ASAP1: variants seen among roughly 807,000 people sequenced by gnomAD.
The protein encoded by ASAP1 is arf-GAP with SH3 domain, ANK repeat and PH domain-containing protein 1.
Under a neutral mutation model 145.2 loss-of-function variants are expected in ASAP1, and 43 were observed. The ratio of observed to expected loss-of-function variants is 0.30; its 90% confidence interval spans 0.23 to 0.38. The LOEUF is 0.38. Ranked by LOEUF, ASAP1 falls within the 10% of genes least tolerant of loss-of-function variation. The pLI is 1.00. For synonymous variants in ASAP1, 546 were observed against 515.5 expected (o/e 1.06, Z -0.80); for missense variants, 1,018 against 1,355.3 (o/e 0.75, Z 3.91).
rs2097596410 is a variant in ASAP1, at chr8:130,136,987, T to C, written c.1132A>G (p.Asn378Asp). 3 of 1,614,216 alleles carry C rather than the reference T, an allele frequency of 1.9e-6. No individual in the cohort carries two copies. Among genetic ancestry groups the C allele is most frequent in the East Asian group, 2.2e-5 (1 of 44,872 alleles). ...TCAAAAGATTTTTTGTCTTCGGCAT[T>C]AGGTTTTACTTGGCAGGTGAGAAGG... Reference protein sequence around the residue: ...LNLLTCQVKPNAEDKKSFDLI... With the variant: ...LNLLTCQVKPDAEDKKSFDLI... The change falls in exon 14 of 30, where the codon AAT (asparagine) becomes GAT (aspartate). Residue 378 changes from asparagine to aspartate, a missense_variant. Asn to Asp is a conservative substitution (Grantham distance 23, BLOSUM62 1). Coordinates refer to ENST00000518721, the MANE Select transcript of ASAP1 (RefSeq NM_018482.4).
At chr8:130,209,800 T>TG (rs1816466535) in intron 5 of ASAP1, among the ~76,000 whole-genome samples, 1 of 152,140 alleles carries the variant, frequency 6.6e-6, no homozygotes, top group Non-Finnish European at 1.5e-5. Flanking sequence ...AACACCTTTT[T>TG]TTTTGAAAGA....
chr8:130,178,604 A>G (rs899994242), intron 9 of ASAP1, among the ~76,000 whole-genome samples: 17 of 152,224 alleles, frequency 1.1e-4, no homozygotes, highest in African/African-American at 3.6e-4. Flanking sequence ...ACAAAACTGA[A>G]GACTCCAGGT....
chr8:130,060,819 T>C lies in ASAP1; in HGVS notation c.2952A>G (p.Pro984=). 1 of 1,613,044 alleles carries C rather than the reference T, an allele frequency of 6.2e-7. No homozygotes were observed. Among genetic ancestry groups the C allele is most frequent in the East Asian group, 2.2e-5 (1 of 44,830 alleles). ...GTTTGGGGGGCAGGTCCTTCATCTG[T>C]GGTTTGGGAGGTAAGTCTGAGAGTT... ...KPQLSDLPPK[P]QMKDLPPKPQ... is the part of the protein sequence containing the mutation. The change falls in exon 28 of 30, where the codon CCA becomes CCG. Residue 984 remains proline (P), a synonymous_variant. Transcript: ENST00000518721.
intron 2 of ASAP1, among the ~76,000 whole-genome samples, chr8:130,399,599 C>CTCACTTCAT (rs1416076021): frequency 6.6e-6 from 1 of 152,206 alleles, no homozygotes; most frequent in Non-Finnish European, 1.5e-5. Context: ...CCTCCAGCCT[C>CTCACTTCAT]TCACTTCATC....
intron 3 of ASAP1, among the ~76,000 whole-genome samples, chr8:130,327,799 G>C (rs1420118896): frequency 6.6e-6 from 1 of 152,140 alleles, no homozygotes; most frequent in Non-Finnish European, 1.5e-5. Context: ...CCTTTTGCAT[G>C]ATAAAAATGT....
At chr8:130,352,137 G>A (rs915281466) in intron 3 of ASAP1, among the ~76,000 whole-genome samples, 1 of 151,714 alleles carries the variant, frequency 6.6e-6, no homozygotes, top group Non-Finnish European at 1.5e-5. Flanking sequence ...CAAGAGGTCA[G>A]AGACAGACCC....
At chr8:130,117,869 T>C (rs2097558958) in intron 20 of ASAP1, among the ~76,000 whole-genome samples, 4 of 152,332 alleles carry the variant, frequency 2.6e-5, no homozygotes, top group South Asian at 2.1e-4. Context: ...CTACAGCCTG[T>C]AGGCCATATC....
At chr8:130,061,091 A>G in intron 27 of ASAP1, 22 bp from the exon 28 acceptor site, 1 of 1,520,132 alleles carries the variant, frequency 6.6e-7, no homozygotes, top group Non-Finnish European at 8.8e-7. Flanking sequence ...ATCAAAAACA[A>G]GGAGGTCATT....
At chr8:130,361,813 T>C in intron 2 of ASAP1, 1 of 1,403,266 alleles carries the variant, frequency 7.1e-7, no homozygotes, top group Non-Finnish European at 9.7e-7. Context: ...ACGTAAATGC[T>C]GGATTTCTTT....
chr8:130,429,168 G>A (rs1016048615), intron 1 of ASAP1, among the ~76,000 whole-genome samples: 5 of 152,236 alleles, frequency 3.3e-5, no homozygotes, highest in East Asian at 1.9e-4. Context: ...ATCCAGGCTC[G>A]CCCTAATGAC....
chr8:130,406,437 A>G (rs1586987757), intron 1 of ASAP1, among the ~76,000 whole-genome samples: 1 of 151,888 alleles, frequency 6.6e-6, no homozygotes, highest in African/African-American at 2.4e-5. Flanking sequence ...CCAGATTATG[A>G]ATCTTTGATG....
At position 130,178,281 on chromosome 8, in the gene ASAP1, G is replaced by GAATACAGACTTTACT. The variant is rs574443271; in HGVS notation, c.746+968_746+982dup. ...TATTTTCGGTATAACTTCCATCAAC[G>GAATACAGACTTTACT]AATACAGACTTTACTAATACAGACT... On this transcript the variant is annotated intron_variant, in intron 9 of 29. Transcript: ENST00000518721. Among the ~76,000 whole-genome samples, 3 of 152,120 alleles carry GAATACAGACTTTACT rather than the reference G, an allele frequency of 2.0e-5. No homozygotes were observed. The East Asian group carries it at 5.8e-4, about 29-fold the overall frequency.
At chr8:130,116,600 A>G (rs1171776102) in intron 22 of ASAP1, 78 bp downstream of exon 22, 5 of 1,270,720 alleles carry the variant, frequency 3.9e-6, no homozygotes, top group East Asian at 4.6e-5. Context: ...CATTTTTAAT[A>G]TTCAATTCTA....
intron 12 of ASAP1, among the ~76,000 whole-genome samples, chr8:130,157,056 C>T (rs535436282): frequency 1.1e-4 from 17 of 152,140 alleles, no homozygotes; most frequent in Non-Finnish European, 1.8e-4. Flanking sequence ...ATTAACTTTT[C>T]GTTTGATGAC....
intron 27 of ASAP1, among the ~76,000 whole-genome samples, chr8:130,071,047 A>AGAGAGAGAGAGAGAGAGAGAG (rs1491183461): frequency 7.5e-6 from 1 of 133,734 alleles, no homozygotes; most frequent in Admixed American, 7.6e-5. Context: ...AGAGAGAGAG[A>AGAGAGAGAGAGAGAGAGAGAG]AAGCAGAGTT....
chr8:130,407,049 G>C (rs1222797813), intron 1 of ASAP1, among the ~76,000 whole-genome samples: 1 of 152,118 alleles, frequency 6.6e-6, no homozygotes, highest in Non-Finnish European at 1.5e-5. Context: ...TGCAGTCATA[G>C]CAAGAATTAA....
intron 1 of ASAP1, among the ~76,000 whole-genome samples, chr8:130,429,636 T>C (rs1208255840): frequency 6.6e-6 from 1 of 152,182 alleles, no homozygotes; most frequent in Non-Finnish European, 1.5e-5. Flanking sequence ...TCAGGTCCCA[T>C]GTGATTACCA....
chr8:130,092,034 G>A lies in ASAP1; in HGVS notation c.2511C>T (p.Thr837=). 6.3e-7 allele frequency: 1 copy of A among 1,577,288 alleles called. No homozygotes were observed. The highest frequency in any genetic ancestry group is 1.7e-4 in the Middle Eastern group (1 of 5,888). ...GTAGTGGGCTGGGAGGGTCGGATAG[G>A]GTTCTCTTGTGTCCGGGTGGTGGGG... The part of the protein sequence containing the change: ...PPPPPPGHKR[T]LSDPPSPLPH... The change falls in exon 25 of 30, where the codon ACC becomes ACT. Residue 837 remains threonine, a synonymous_variant. Coordinates refer to ENST00000518721, the MANE Select transcript of ASAP1 (RefSeq NM_018482.4).
intron 2 of ASAP1, among the ~76,000 whole-genome samples, chr8:130,396,500 T>G (rs971480695): frequency 6.6e-6 from 1 of 152,250 alleles, no homozygotes; most frequent in Non-Finnish European, 1.5e-5. Context: ...AACAACCAGT[T>G]GAATTTTAAA....
Sources: allele counts gnomAD v4.1 joint callset (sites outside exome capture counted in the v4.1 genomes callset), GRCh38; gene constraint gnomAD v4.1.1; transcripts MANE v1.5; gene names NCBI Gene and HGNC (gene_info 2026-07-23, HGNC 2026-07-21).